The following NEDD4L variants were observed in gnomAD, a reference collection of about 807,000 sequenced individuals.
NEDD4L encodes NEDD4 like E3 ubiquitin protein ligase.
NEDD4L carries 54 observed loss-of-function variants against 148.9 expected under a neutral mutation model. The ratio of observed to expected loss-of-function variants is 0.36; its 90% CI spans 0.29 to 0.45. The LOEUF (loss-of-function observed/expected upper bound fraction) is 0.45, where lower values mean the gene tolerates loss of function less well. NEDD4L is among the 20% of genes least tolerant of loss of function. The probability of loss-of-function intolerance (pLI) is 1.00; values close to 1 mark genes in which losing one functional copy is unlikely to be tolerated. For synonymous variants in NEDD4L, 433 were observed against 440.7 expected, an observed-to-expected ratio of 0.98 and a Z score of 0.22; for missense variants, 856 against 1,233.8, an observed-to-expected ratio of 0.69 and a Z score of 4.59.
At chr18:58,302,337 C>G (rs2056585964) in intron 5 of NEDD4L, among the ~76,000 whole-genome samples, 1 of 152,212 alleles carries the variant, frequency 6.6e-6, no homozygotes, top group Admixed American at 6.5e-5. Context: ...GCATCTTGCT[C>G]CTTATGCTAC....
intron 11 of NEDD4L, among the ~76,000 whole-genome samples, chr18:58,332,274 T>C (rs2041089925): frequency 6.6e-6 from 1 of 152,250 alleles, no homozygotes; most frequent in South Asian, 2.1e-4. Context: ...AATGTTGTAT[T>C]ATTTCACATC....
chr18:58,253,737 T>C (rs1478070305), intron 5 of NEDD4L, among the ~76,000 whole-genome samples: 2 of 152,220 alleles, frequency 1.3e-5, no homozygotes, highest in Non-Finnish European at 2.9e-5. Flanking sequence ...ATTATTCTCT[T>C]CTATTAAGAG....
At chr18:58,274,005 C>A (rs1337032979) in intron 5 of NEDD4L, among the ~76,000 whole-genome samples, 1 of 152,202 alleles carries the variant, frequency 6.6e-6, no homozygotes, top group Admixed American at 6.5e-5. Flanking sequence ...GATGCCGGGC[C>A]CTTTCTACAC....
At chr18:58,154,963 C>G (rs986575225) in intron 1 of NEDD4L, among the ~76,000 whole-genome samples, 21 of 152,174 alleles carry the variant, frequency 1.4e-4, no homozygotes, top group African/African-American at 4.3e-4. Context: ...ACCTTCCTCC[C>G]ATATTAAGTC....
chr18:58,248,051 T>C (rs1451603240), intron 3 of NEDD4L, among the ~76,000 whole-genome samples: 2 of 152,252 alleles, frequency 1.3e-5, no homozygotes, highest in Non-Finnish European at 2.9e-5. Flanking sequence ...TTGATAAATA[T>C]CATTTTGACT....
intron 13 of NEDD4L, 114 bp downstream of exon 13, chr18:58,335,651 A>G (rs2144912456): frequency 7.7e-6 from 6 of 782,314 alleles, no homozygotes; most frequent in South Asian, 5.7e-5. Context: ...CCTTTGTGCT[A>G]CAGAGCTGCA....
At chr18:58,359,658 G>A (rs926119958) in intron 19 of NEDD4L, among the ~76,000 whole-genome samples, 8 of 151,960 alleles carry the variant, frequency 5.3e-5, no homozygotes, top group African/African-American at 1.7e-4. Context: ...TTTTTTTTCT[G>A]GGGTGAGTTT....
intron 5 of NEDD4L, among the ~76,000 whole-genome samples, chr18:58,273,014 T>C (rs1228885060): frequency 6.6e-6 from 1 of 152,182 alleles, no homozygotes; most frequent in Non-Finnish European, 1.5e-5. Context: ...GAGTGGCCTG[T>C]AAGCTGAGGC....
intron 3 of NEDD4L, among the ~76,000 whole-genome samples, chr18:58,248,143 T>C (rs2047500262): frequency 6.6e-6 from 1 of 152,250 alleles, no homozygotes; most frequent in Admixed American, 6.5e-5. Context: ...GGCTTATGCA[T>C]GTGCAGATGC....
intron 15 of NEDD4L, 128 bp downstream of exon 15, chr18:58,341,925 A>G (rs2042479114): frequency 3.7e-6 from 4 of 1,090,090 alleles, no homozygotes; most frequent in Non-Finnish European, 5.3e-6. Flanking sequence ...TTGGTAGTGA[A>G]GGGTGTTCTT....
At chr18:58,340,962 G>A (rs1485555257) in intron 13 of NEDD4L, 76 bp from the exon 14 acceptor site, 1 of 1,413,910 alleles carries the variant, frequency 7.1e-7, no homozygotes, top group Admixed American at 2.3e-5. Context: ...TAATTATCTG[G>A]GTGTACCTTA....
At chr18:58,082,102 A>ATATATATATATATATATTTTTTTT in intron 1 of NEDD4L, among the ~76,000 whole-genome samples, 1 of 48,856 alleles carries the variant, frequency 2.0e-5, no homozygotes, top group African/African-American at 1.3e-4. Flanking sequence ...ATATATATAT[A>ATATATATATATATATATTTTTTTT]TTTTTTTTTT....
chr18:58,317,838 G>C (rs1344773500), intron 6 of NEDD4L, among the ~76,000 whole-genome samples: 1 of 152,152 alleles, frequency 6.6e-6, no homozygotes, highest in Admixed American at 6.6e-5. Context: ...TGTGCCCAGA[G>C]GGTAACTTGC....
intron 1 of NEDD4L, among the ~76,000 whole-genome samples, chr18:58,115,403 G>A (rs1356536200): frequency 6.6e-6 from 1 of 152,048 alleles, no homozygotes; most frequent in African/African-American, 2.4e-5. Context: ...TTTTCGGGAA[G>A]ACAAGTCTGT....
intron 1 of NEDD4L, among the ~76,000 whole-genome samples, chr18:58,105,280 T>C (rs2085001701): frequency 6.6e-6 from 1 of 152,200 alleles, no homozygotes; most frequent in South Asian, 2.1e-4. Flanking sequence ...CTGTTTCACT[T>C]GAGCTCATCG....
chr18:58,066,643 G>A (rs778886476), intron 1 of NEDD4L, among the ~76,000 whole-genome samples: 2 of 151,868 alleles, frequency 1.3e-5, no homozygotes, highest in Non-Finnish European at 2.9e-5. Context: ...CTCCTATAAC[G>A]ACATACATGA....
At chr18:58,200,419 C>G (rs2041258917) in intron 2 of NEDD4L, among the ~76,000 whole-genome samples, 1 of 152,210 alleles carries the variant, frequency 6.6e-6, no homozygotes, top group Admixed American at 6.5e-5. Context: ...ACAGCTATCA[C>G]TGCCTCAGGG....
intron 2 of NEDD4L, among the ~76,000 whole-genome samples, chr18:58,175,883 C>T (rs1312971205): frequency 6.6e-6 from 1 of 152,206 alleles, no homozygotes; most frequent in East Asian, 1.9e-4. Context: ...ATATGTCAAT[C>T]CTAGCCTCCA....
intron 2 of NEDD4L, among the ~76,000 whole-genome samples, chr18:58,181,710 C>T (rs2038886060): frequency 6.6e-6 from 1 of 152,122 alleles, no homozygotes; most frequent in South Asian, 2.1e-4. Context: ...AAAGGAATTC[C>T]TCATATAGAA....
Sources: gnomAD v4.1 joint callset for allele counts (sites outside exome capture counted in the v4.1 genomes callset) on GRCh38, gnomAD v4.1.1 for gene constraint, MANE v1.5 for transcripts, NCBI Gene and HGNC (gene_info 2026-07-23, HGNC 2026-07-21) for gene names.